The following RPA1 variants were observed in gnomAD, a reference collection of about 807,000 sequenced individuals.
The protein encoded by RPA1 is replication protein A1, also known as replication protein A 70 kDa DNA-binding subunit.
A neutral mutation model predicts 83.0 loss-of-function variants in RPA1; 49 were observed. That is an observed-to-expected ratio of 0.59 (90% confidence interval 0.47 to 0.75). The LOEUF is 0.75. Among genes scored for constraint, RPA1 ranks in the 30% least tolerant of loss-of-function variants. RPA1 has a pLI of 0.00. For missense variants in RPA1, 693 were observed against 776.1 expected (o/e 0.89, Z 1.27); for synonymous variants, 279 against 281.8 (o/e 0.99, Z 0.10).
At chr17:1,862,412 ATATTTATT>A (rs59213671) in intron 5 of RPA1, among the ~76,000 whole-genome samples, 1 of 149,030 alleles carries the variant, frequency 6.7e-6, no homozygotes, top group African/African-American at 2.5e-5. Context: ...GATTAGCTCA[ATATTTATT>A]TATTTATTTA....
chr17:1,886,191 A>G (rs1325879757), intron 13 of RPA1, among the ~76,000 whole-genome samples: 1 of 151,836 alleles, frequency 6.6e-6, no homozygotes, highest in African/African-American at 2.4e-5. Context: ...GAGCAGTCAT[A>G]TTTTTAAAGG....
chr17:1,884,032 CAG>C lies in RPA1; in HGVS notation c.1374+91_1374+92del. ...AAACTTGGTTTCCAGCACCAGCTGT[CAG>C]AGCCGTAATTCTTACCCGGGGCTGT... On this transcript the variant is annotated intron_variant, in intron 13 of 16. Transcript: ENST00000254719. This position sits in a 1 kb window ranked among gnomAD's most constrained non-coding sequence, Gnocchi z 4.1. The C allele has an allele frequency of 6.4e-7, 1 of 1,563,552 alleles. No individual in the cohort carries two copies. Among genetic ancestry groups the C allele is most frequent in the Non-Finnish European group, 8.7e-7 (1 of 1,147,262 alleles).
At chr17:1,862,717 C>CTTT (rs71150827) in intron 5 of RPA1, among the ~76,000 whole-genome samples, 530 of 51,692 alleles carry the variant, frequency 0.01, 26 homozygotes, top group Middle Eastern at 0.023. Flanking sequence ...CTGTGCCCAG[C>CTTT]TTTTTTTTTT....
At chr17:1,862,805 T>TC (rs1567813322) in intron 5 of RPA1, among the ~76,000 whole-genome samples, 1 of 124,368 alleles carries the variant, frequency 8.0e-6, no homozygotes, top group East Asian at 2.6e-4. Context: ...CACTGCAACC[T>TC]CCCCCGGGTT....
At chr17:1,880,765 G>T (rs1913763005) in intron 12 of RPA1, 74 bp downstream of exon 12, 1 of 1,576,830 alleles carries the variant, frequency 6.3e-7, no homozygotes, top group South Asian at 1.1e-5. Flanking sequence ...ATCAGCATGG[G>T]AGCTTTCTGC....
chr17:1,833,786 AG>A (rs199660062), intron 1 of RPA1, among the ~76,000 whole-genome samples: 2,403 of 152,254 alleles, frequency 0.016, 57 homozygotes, highest in African/African-American at 0.05. Context: ...CCCGGGAGAT[AG>A]AGGTTCCGGT....
At chr17:1,831,797 C>T (rs561746229) in intron 1 of RPA1, among the ~76,000 whole-genome samples, 197 of 151,298 alleles carry the variant, frequency 1.3e-3, no homozygotes, top group African/African-American at 4.6e-3. Context: ...GACGGGGTTT[C>T]ACCGTGTTAG....
In RPA1 at chr17:1,872,432, A is replaced by G. The variant is rs758420328; in HGVS notation, c.362-2A>G. On this transcript the variant is annotated splice_acceptor_variant, in intron 5 of 16. Transcript: ENST00000254719. LOFTEE classifies it high-confidence loss of function. Reference sequence around the variant, plus strand: ...AAACGGGGTTTCCCTTTTGATCTTCAGGACTCGGGCAGCCGCAAGTAGCTC... The same window carrying G: ...AAACGGGGTTTCCCTTTTGATCTTCGGGACTCGGGCAGCCGCAAGTAGCTC... The G allele has an allele frequency of 6.2e-7, 1 of 1,613,732 alleles. No homozygotes were observed.
intron 5 of RPA1, among the ~76,000 whole-genome samples, chr17:1,863,095 C>T (rs1421122887): frequency 6.6e-6 from 1 of 152,080 alleles, no homozygotes; most frequent in Non-Finnish European, 1.5e-5. Flanking sequence ...TCAAAAAGGG[C>T]TTACTGTAGC....
intron 1 of RPA1, among the ~76,000 whole-genome samples, chr17:1,830,423 C>T (rs1242153645): frequency 6.6e-6 from 1 of 152,200 alleles, no homozygotes; most frequent in Non-Finnish European, 1.5e-5. Context: ...CTTCTCCTTT[C>T]CCCACCCACA....
chr17:1,875,762 C>T lies in RPA1; in HGVS notation c.556C>T (p.Pro186Ser), dbSNP rs1421250533. The change falls in exon 7 of 17, where the codon CCC becomes TCC. Residue 186 changes from proline to serine, a missense_variant. Coordinates refer to ENST00000254719, the MANE Select transcript of RPA1 (RefSeq NM_002945.5). ...TGGGGGAACACAGTCCAAAGTGGTG[C>T]CCATTGCCAGCCTCACTCCTTACCA... ...TSGGTQSKVVPIASLTPYQSK... is the reference protein window; with the variant it reads ...TSGGTQSKVVSIASLTPYQSK... 1 of 1,614,064 alleles carries T rather than the reference C, an allele frequency of 6.2e-7. No individual in the cohort carries two copies. The highest frequency in any genetic ancestry group is 1.1e-5 in the South Asian group (1 of 91,076).
At chr17:1,844,043 G>A in intron 3 of RPA1, 45 bp downstream of exon 3, 1 of 1,543,796 alleles carries the variant, frequency 6.5e-7, no homozygotes, top group South Asian at 1.1e-5. Flanking sequence ...TATTTAAATA[G>A]TAGAAGCACA....
At position 1,884,969 on chromosome 17, in the gene RPA1, G is replaced by A. The variant is rs910963393; in HGVS notation, c.1374+1025G>A. Among the ~76,000 whole-genome samples the A allele has an allele frequency of 6.6e-6, 1 of 152,178 alleles. No individual in the cohort carries two copies. The highest frequency in any genetic ancestry group is 6.5e-5 in the Admixed American group (1 of 15,276). ...GGTTGCTGAACATCGGCGTGTCTTT[G>A]GCAGTTTCTTAAAATAAGACAGCAG... On this transcript the variant is annotated intron_variant, in intron 13 of 16. Transcript: ENST00000254719. This position sits in a 1 kb window ranked among gnomAD's most constrained non-coding sequence, Gnocchi z 4.1.
intron 5 of RPA1, among the ~76,000 whole-genome samples, chr17:1,854,679 G>A (rs1015623210): frequency 6.6e-6 from 1 of 152,154 alleles, no homozygotes; most frequent in Non-Finnish European, 1.5e-5. Context: ...CCTCCAGCCT[G>A]GGAACACAGC....
At chr17:1,868,075 C>A (rs1913245763) in intron 5 of RPA1, among the ~76,000 whole-genome samples, 1 of 151,998 alleles carries the variant, frequency 6.6e-6, no homozygotes, top group Non-Finnish European at 1.5e-5. Context: ...TGGAGCAATA[C>A]CCTGTCTCAA....
chr17:1,840,134 C>CGTTT (rs759706517), intron 1 of RPA1, among the ~76,000 whole-genome samples: 2 of 151,712 alleles, frequency 1.3e-5, no homozygotes, highest in Admixed American at 6.6e-5. Context: ...TGAAAACAGA[C>CGTTT]GTTTGTTTGT....
intron 4 of RPA1, among the ~76,000 whole-genome samples, chr17:1,845,749 G>T (rs1462118196): frequency 1.3e-5 from 2 of 152,120 alleles, no homozygotes; most frequent in African/African-American, 4.8e-5. Flanking sequence ...TGGACAATAT[G>T]GTGAGACCTT....
chr17:1,870,791 A>ATGATCT (rs1322182376), intron 5 of RPA1, among the ~76,000 whole-genome samples: 1 of 152,238 alleles, frequency 6.6e-6, no homozygotes, highest in African/African-American at 2.4e-5. Flanking sequence ...TTAAGCAGAT[A>ATGATCT]TGATCTCAGC....
Position 1,833,534 on chromosome 17 carries a change from G to T in RPA1, c.33+3408G>T, listed in dbSNP as rs1042263669. Reference sequence around the variant, plus strand: ...TGTAGCTTTCATTTACTTTATAGCTGCTACCTTGTGTCTTTAAGACAAATT... The same window carrying T: ...TGTAGCTTTCATTTACTTTATAGCTTCTACCTTGTGTCTTTAAGACAAATT... On this transcript the variant is annotated intron_variant, in intron 1 of 16. Coordinates refer to ENST00000254719, the MANE Select transcript of RPA1 (RefSeq NM_002945.5). 5.9e-5 allele frequency among the ~76,000 whole-genome samples: 9 copies of T among 152,330 alleles called. No homozygotes were observed. In the East Asian group the frequency reaches 1.7e-3, roughly 29 times the overall value.
Sources: gnomAD v4.1 joint callset for allele counts (sites outside exome capture counted in the v4.1 genomes callset) on GRCh38, gnomAD v4.1.1 for gene constraint, Gnocchi (gnomAD v3.1) non-coding constraint, MANE v1.5 for transcripts, NCBI Gene and HGNC (gene_info 2026-07-23, HGNC 2026-07-21) for gene names.